KIF1B: variants seen among roughly 807,000 people sequenced by gnomAD.
KIF1B encodes the protein kinesin-like protein KIF1B.
In KIF1B, 76 loss-of-function variants were observed where a neutral mutation model predicts 241.9. The observed-to-expected ratio is 0.31, with a 90% CI of 0.26 to 0.38. The LOEUF (loss-of-function observed/expected upper bound fraction) is 0.38, where lower values mean the gene tolerates loss of function less well. Ranked by LOEUF, KIF1B falls within the 10% of genes least tolerant of loss-of-function variation. The pLI is 1.00. For missense variants in KIF1B, 1,622 were observed against 2,271.4 expected (o/e 0.71, Z 5.81); for synonymous variants, 750 against 796.7 (o/e 0.94, Z 0.99).
At chr1:10,219,828 G>A (rs1162824220) in intron 1 of KIF1B, among the ~76,000 whole-genome samples, 5 of 152,190 alleles carry the variant, frequency 3.3e-5, no homozygotes, top group African/African-American at 9.7e-5. Context: ...AGCACTTTGG[G>A]AGGCCTAGGT....
At chr1:10,347,452 G>A (rs972719430) in intron 35 of KIF1B, among the ~76,000 whole-genome samples, 3 of 152,128 alleles carry the variant, frequency 2.0e-5, no homozygotes, top group African/African-American at 7.2e-5. Flanking sequence ...AAAAACTATA[G>A]TCTGAAATTA....
At chr1:10,268,113 G>A (rs745795223) in intron 6 of KIF1B, 39 bp from the exon 7 acceptor site, 2 of 1,368,916 alleles carry the variant, frequency 1.5e-6, no homozygotes, top group Non-Finnish European at 2.1e-6. Context: ...TCTCATCTAA[G>A]AATTCCCTTG....
intron 22 of KIF1B, chr1:10,306,958 A>G: frequency 9.6e-7 from 1 of 1,042,204 alleles, no homozygotes; most frequent in Non-Finnish European, 1.2e-6. Flanking sequence ...TAGAATGAAG[A>G]GTTGTATAAT....
intron 15 of KIF1B, among the ~76,000 whole-genome samples, chr1:10,288,999 G>C (rs181815245): frequency 6.6e-6 from 1 of 152,256 alleles, no homozygotes; most frequent in Admixed American, 6.5e-5. Flanking sequence ...TTAGTAACCT[G>C]TTATCATATG....
chr1:10,337,114 C>G lies in KIF1B; in HGVS notation c.3170C>G (p.Ser1057Cys). The G allele has an allele frequency of 1.2e-6, 2 of 1,614,046 alleles. No individual in the cohort carries two copies. The highest frequency in any genetic ancestry group is 1.7e-6 in the Non-Finnish European group (2 of 1,180,010). The change falls in exon 30 of 49, where the codon TCC becomes TGC. Residue 1057 changes from serine (S) to cysteine (C), a missense_variant. Physicochemically the swap from Ser to Cys is moderately radical, Grantham distance 112. Around this residue, in one of 7 missense-constraint regions of KIF1B, gnomAD observed 803 missense variants for 1,112.0 expected, o/e 0.72. Coordinates refer to ENST00000676179, the MANE Select transcript of KIF1B (RefSeq NM_001365951.3). The surrounding 1 kb of genome is among the most constrained non-coding windows in gnomAD (Gnocchi z 4.0). Reference sequence around the variant, plus strand: ...GTTGCAATGACTCGTTCTGGTCTGTCCTTGGAGGAGTTGAGGATTGTGGAA... The same window carrying G: ...GTTGCAATGACTCGTTCTGGTCTGTGCTTGGAGGAGTTGAGGATTGTGGAA... ...SSVAMTRSGL[S>C]LEELRIVEGQ...
chr1:10,226,292 G>C (rs1199752496), intron 1 of KIF1B, among the ~76,000 whole-genome samples: 1 of 152,226 alleles, frequency 6.6e-6, no homozygotes, highest in Non-Finnish European at 1.5e-5. Flanking sequence ...GGCTTTAGTT[G>C]TGTGAGATTG....
At chr1:10,256,535 C>T (rs1647792038) in intron 3 of KIF1B, among the ~76,000 whole-genome samples, 1 of 151,942 alleles carries the variant, frequency 6.6e-6, no homozygotes, top group Admixed American at 6.6e-5. Context: ...TAAATATATA[C>T]ACATATATAC....
chr1:10,378,684 G>T lies in KIF1B; in HGVS notation c.*2097G>T. 2.1e-6 allele frequency: 1 copy of T among 468,764 alleles called. No individual in the cohort carries two copies. Among genetic ancestry groups the T allele is most frequent in the Non-Finnish European group, 3.9e-6 (1 of 258,092 alleles). 29.0% of individuals were successfully genotyped at this position (468,764 alleles called of 1,614,324 possible). On this transcript the variant is annotated 3_prime_UTR_variant, in exon 49 of 49. Transcript: ENST00000676179. ...TGCAGAGTTGTTGCTAGGGAGACTT[G>T]TGTCATCATCCACAACCTTGTTTCT...
rs186751639 is a variant in KIF1B at position 10,283,599 on chromosome 1, T to C, written c.1434+1066T>C. Among the ~76,000 whole-genome samples the C allele has an allele frequency of 6.3e-4, 96 of 152,402 alleles. 1 individual carries two copies. The highest frequency in any genetic ancestry group is 2.2e-3 in the African/African-American group (92 of 41,604). On this transcript the variant is annotated intron_variant, in intron 15 of 48. Coordinates refer to ENST00000676179, the MANE Select transcript of KIF1B (RefSeq NM_001365951.3). Reference sequence around the variant, plus strand: ...AGTTGTCACCTGCAGTGCTGAAAGCTGTTCAGGAATCCTGCCACCCATCAG... The same window carrying C: ...AGTTGTCACCTGCAGTGCTGAAAGCCGTTCAGGAATCCTGCCACCCATCAG...
intron 48 of KIF1B, among the ~76,000 whole-genome samples, chr1:10,375,786 G>GTTTTT (rs201620952): frequency 1.1e-3 from 79 of 69,560 alleles, no homozygotes; most frequent in East Asian, 2.4e-3. Context: ...TTCTTTTCTT[G>GTTTTT]TTTTTTTTTT....
intron 41 of KIF1B, among the ~76,000 whole-genome samples, chr1:10,363,719 A>G (rs933683952): frequency 6.6e-6 from 1 of 152,082 alleles, no homozygotes; most frequent in African/African-American, 2.4e-5. Context: ...AAAAAATCAA[A>G]TTATTAAGTC....
At chr1:10,234,638 C>T (rs947792368) in intron 2 of KIF1B, among the ~76,000 whole-genome samples, 11 of 151,950 alleles carry the variant, frequency 7.2e-5, no homozygotes, top group Non-Finnish European at 1.0e-4. Context: ...CCTCCTGTCT[C>T]AGCCTCCCAA....
intron 1 of KIF1B, among the ~76,000 whole-genome samples, chr1:10,214,081 A>G (rs1172494459): frequency 6.6e-6 from 1 of 152,050 alleles, no homozygotes; most frequent in Non-Finnish European, 1.5e-5. Context: ...GAGCTAAGAC[A>G]GCGCCATTGC....
intron 22 of KIF1B, among the ~76,000 whole-genome samples, chr1:10,316,055 C>CA (rs1308346575): frequency 0.022 from 565 of 25,750 alleles, 10 homozygotes; most frequent in Middle Eastern, 0.043. Context: ...AACTCCATCT[C>CA]AAAAAAAAAA....
chr1:10,263,570 T>G lies in KIF1B; in HGVS notation c.429+1600T>G, dbSNP rs77225819. On this transcript the variant is annotated intron_variant, in intron 5 of 48. Coordinates refer to ENST00000676179, the MANE Select transcript of KIF1B (RefSeq NM_001365951.3). Reference sequence around the variant, plus strand: ...ATTGCTTTGGAGTTTTTTCTTCACCTAGAAGGTGTTGCATAAATATGTAAA... The same window carrying G: ...ATTGCTTTGGAGTTTTTTCTTCACCGAGAAGGTGTTGCATAAATATGTAAA... Among the ~76,000 whole-genome samples the G allele has an allele frequency of 3.6e-3, 546 of 152,322 alleles. 1 individual carries two copies. Among genetic ancestry groups the G allele is most frequent in the Non-Finnish European group, 6.2e-3 (425 of 68,018 alleles).
At chr1:10,351,058 A>T (rs1041997036) in intron 37 of KIF1B, among the ~76,000 whole-genome samples, 1 of 145,818 alleles carries the variant, frequency 6.9e-6, no homozygotes, top group African/African-American at 2.6e-5. Context: ...ACTGCATGAC[A>T]GAACAAGACC....
chr1:10,306,716 C>G (rs1452947476), intron 22 of KIF1B: 1 of 880,988 alleles, frequency 1.1e-6, no homozygotes, highest in Admixed American at 7.5e-5. Flanking sequence ...TATGAATAGC[C>G]AGTGCACTGC....
At chr1:10,226,672 A>C (rs565945343) in intron 1 of KIF1B, among the ~76,000 whole-genome samples, 1 of 152,310 alleles carries the variant, frequency 6.6e-6, no homozygotes, top group East Asian at 1.9e-4. Flanking sequence ...TGATTATCTA[A>C]AAAATGTATT....
intron 10 of KIF1B, among the ~76,000 whole-genome samples, chr1:10,273,735 A>AAAC (rs1648943446): frequency 1.1e-5 from 1 of 87,498 alleles, no homozygotes; most frequent in Admixed American, 1.4e-4. Flanking sequence ...AAAAAAAAAA[A>AAAC]AAAACCCAAC....
Sources: allele counts gnomAD v4.1 joint callset (sites outside exome capture counted in the v4.1 genomes callset), GRCh38; gene constraint gnomAD v4.1.1; regional missense constraint gnomAD v4.1.1; non-coding constraint Gnocchi (gnomAD v3.1); transcripts MANE v1.5; gene names NCBI Gene and HGNC (gene_info 2026-07-23, HGNC 2026-07-21).